PRDM15: variants seen among roughly 807,000 people sequenced by gnomAD.
PRDM15 encodes the protein PR domain zinc finger protein 15.
PRDM15 carries 64 observed loss-of-function variants against 128.6 expected under a neutral mutation model. The ratio of observed to expected loss-of-function variants is 0.50; its 90% CI spans 0.41 to 0.61. The LOEUF is 0.61. PRDM15 is among the 20% of genes least tolerant of loss of function. PRDM15 has a pLI of 0.00. For synonymous variants in PRDM15, 615 were observed against 621.8 expected (o/e 0.99, Z 0.16); for missense variants, 1,242 against 1,569.1 (o/e 0.79, Z 3.52).
intron 6 of PRDM15, among the ~76,000 whole-genome samples, chr21:41,840,102 T>C (rs1029222739): frequency 3.3e-5 from 5 of 152,144 alleles, no homozygotes; most frequent in Admixed American, 6.5e-5. Context: ...AAAGCAGACA[T>C]ACACACACAC....
chr21:41,855,131 T>C (rs1026339225), intron 4 of PRDM15, among the ~76,000 whole-genome samples: 4 of 152,144 alleles, frequency 2.6e-5, no homozygotes, highest in African/African-American at 9.7e-5. Flanking sequence ...CAGGTTCTAG[T>C]GGGCATGGGG....
At chr21:41,822,754 G>A (rs1304763988) in intron 14 of PRDM15, among the ~76,000 whole-genome samples, 1 of 152,200 alleles carries the variant, frequency 6.6e-6, no homozygotes, top group Non-Finnish European at 1.5e-5. Flanking sequence ...GGGATTTGGG[G>A]TGGGGCATGG....
intron 17 of PRDM15, 139 bp from the exon 18 acceptor site, chr21:41,819,840 G>A (rs546112705): frequency 2.0e-4 from 222 of 1,111,592 alleles, no homozygotes; most frequent in Middle Eastern, 1.5e-3. Flanking sequence ...CCTCTTCAGC[G>A]GCCTCCACAG....
rs945999329 is a variant in PRDM15, at chr21:41,832,317, T to C, written c.1366+3120A>G. Among the ~76,000 whole-genome samples, 3 of 151,554 alleles carry C rather than the reference T, an allele frequency of 2.0e-5. No individual in the cohort carries two copies. ...ACCTTACAGCGCTGTGGCATCAGAT[T>C]GCCACAGGCCACACCTTACAGCACT... On this transcript the variant is annotated intron_variant, in intron 11 of 23. Transcript: ENST00000398548. This position sits in a 1 kb window ranked among gnomAD's most constrained non-coding sequence, Gnocchi z 4.2.
At chr21:41,835,919 C>A (rs796142007) in intron 10 of PRDM15, among the ~76,000 whole-genome samples, 194 bp downstream of exon 10, 30 of 74,182 alleles carry the variant, frequency 4.0e-4, no homozygotes, top group South Asian at 1.2e-3. Context: ...GCCCACTCTC[C>A]TCCCTCCCCC....
At chr21:41,874,069 G>GA (rs2064310936) in intron 1 of PRDM15, among the ~76,000 whole-genome samples, 1 of 132,028 alleles carries the variant, frequency 7.6e-6, no homozygotes, top group Non-Finnish European at 1.5e-5. Flanking sequence ...CTCTGTCTCG[G>GA]GAAAAAAAAA....
At chr21:41,836,742 C>G in intron 8 of PRDM15, 93 bp from the exon 9 acceptor site, 1 of 1,039,682 alleles carries the variant, frequency 9.6e-7, no homozygotes, top group Non-Finnish European at 1.4e-6. Flanking sequence ...CCAAAACTTC[C>G]CAGCTAATCC....
intron 5 of PRDM15, among the ~76,000 whole-genome samples, chr21:41,853,041 G>C (rs927645373): frequency 1.3e-5 from 2 of 152,330 alleles, no homozygotes; most frequent in South Asian, 4.1e-4. Context: ...GGAGAGTCCC[G>C]GGACAGATTC....
intron 5 of PRDM15, among the ~76,000 whole-genome samples, chr21:41,847,651 A>G (rs553634345): frequency 1.3e-5 from 2 of 152,316 alleles, no homozygotes; most frequent in Non-Finnish European, 2.9e-5. Flanking sequence ...GCTCCCGCCC[A>G]GCGCTATCCG....
intron 11 of PRDM15, among the ~76,000 whole-genome samples, chr21:41,830,366 C>T (rs1408290289): frequency 6.6e-6 from 1 of 151,070 alleles, no homozygotes; most frequent in African/African-American, 2.4e-5. Flanking sequence ...ACACAACATA[C>T]AAACACATAC....
chr21:41,829,542 C>A (rs2062608505), intron 11 of PRDM15, among the ~76,000 whole-genome samples: 1 of 148,256 alleles, frequency 6.7e-6, no homozygotes, highest in Non-Finnish European at 1.5e-5. Context: ...CACACAGATA[C>A]ACTCAACATA....
chr21:41,822,728 T>C (rs1458200177), intron 14 of PRDM15, among the ~76,000 whole-genome samples: 1 of 152,190 alleles, frequency 6.6e-6, no homozygotes, highest in African/African-American at 2.4e-5. Context: ...GTCATGAGGC[T>C]GGAGCCCTCA....
At chr21:41,822,098 T>G (rs760414414) in intron 14 of PRDM15, 61 bp from the exon 15 acceptor site, 1 of 1,605,294 alleles carries the variant, frequency 6.2e-7, no homozygotes, top group Non-Finnish European at 8.5e-7. Context: ...CTCAGTTATC[T>G]ACACCGCAGG....
At chr21:41,806,088 C>T (rs2056633526) in intron 21 of PRDM15, among the ~76,000 whole-genome samples, 1 of 82,122 alleles carries the variant, frequency 1.2e-5, no homozygotes, top group African/African-American at 4.1e-5. Flanking sequence ...TCACCACCAC[C>T]ACCATCACCA....
At chr21:41,872,769 C>T (rs1056265202) in intron 1 of PRDM15, among the ~76,000 whole-genome samples, 1 of 152,162 alleles carries the variant, frequency 6.6e-6, no homozygotes, top group Admixed American at 6.5e-5. Context: ...GAGCACAAAA[C>T]GCACACTCCT....
chr21:41,815,893 C>A, intron 18 of PRDM15, 57 bp from the exon 19 acceptor site: 3 of 1,600,840 alleles, frequency 1.9e-6, no homozygotes, highest in Non-Finnish European at 2.5e-6. Context: ...CACCTGGGGG[C>A]CCATGCCCGA....
intron 11 of PRDM15, among the ~76,000 whole-genome samples, chr21:41,831,528 G>A (rs1291573943): frequency 6.6e-6 from 1 of 152,222 alleles, no homozygotes; most frequent in Non-Finnish European, 1.5e-5. Context: ...CATGTGTCTG[G>A]CCTCACTCAG....
At chr21:41,804,367 A>G (rs1424144268) in intron 22 of PRDM15, among the ~76,000 whole-genome samples, 167 bp downstream of exon 22, 1 of 152,224 alleles carries the variant, frequency 6.6e-6, no homozygotes, top group African/African-American at 2.4e-5. Context: ...AAACGAGGAG[A>G]TGATCTAAGA....
intron 1 of PRDM15, among the ~76,000 whole-genome samples, chr21:41,865,799 T>G (rs914060064): frequency 2.0e-5 from 3 of 152,218 alleles, no homozygotes; most frequent in African/African-American, 7.2e-5. Context: ...AGCTGGAGTA[T>G]AATGGTCCCA....
Sources: allele counts gnomAD v4.1 joint callset (sites outside exome capture counted in the v4.1 genomes callset), GRCh38; gene constraint gnomAD v4.1.1; non-coding constraint Gnocchi (gnomAD v3.1); transcripts MANE v1.5; gene names NCBI Gene and HGNC (gene_info 2026-07-23, HGNC 2026-07-21).